The following HADHA variants were observed in gnomAD, a reference collection of about 807,000 sequenced individuals.
The protein encoded by HADHA is hydroxyacyl-CoA dehydrogenase trifunctional multienzyme complex subunit alpha, also known as trifunctional enzyme subunit alpha, mitochondrial.
HADHA carries 59 observed loss-of-function variants against 91.3 expected under a neutral mutation model. The ratio of observed to expected loss-of-function variants is 0.65; its 90% CI spans 0.52 to 0.80. The LOEUF (loss-of-function observed/expected upper bound fraction) is 0.80, where lower values mean the gene tolerates loss of function less well. Ranked by LOEUF, HADHA falls within the 30% of genes least tolerant of loss-of-function variation. HADHA has a pLI of 0.00. For synonymous variants in HADHA, 320 were observed against 338.9 expected (o/e 0.94, Z 0.61); for missense variants, 800 against 927.6 (o/e 0.86, Z 1.79).
chr2:26,216,060 T>C (rs1670211803), intron 7 of HADHA, among the ~76,000 whole-genome samples: 1 of 152,200 alleles, frequency 6.6e-6, no homozygotes, highest in South Asian at 2.1e-4. Flanking sequence ...CACAGGAGGA[T>C]TGCTCAAGAC....
intron 7 of HADHA, among the ~76,000 whole-genome samples, chr2:26,218,868 G>A (rs1340652018): frequency 6.6e-6 from 1 of 151,612 alleles, no homozygotes; most frequent in East Asian, 2.0e-4. Flanking sequence ...TTAGCTGGGT[G>A]TGGTGGTGTG....
At chr2:26,195,416 C>T (rs987080337) in intron 14 of HADHA, among the ~76,000 whole-genome samples, 184 bp from the exon 15 acceptor site, 1 of 152,036 alleles carries the variant, frequency 6.6e-6, no homozygotes, top group Non-Finnish European at 1.5e-5. Context: ...AGGGAGAGCA[C>T]ATTGGAATCC....
Position 26,204,178 on chromosome 2 carries a change from A to G in HADHA, c.1104T>C (p.Gly368=). ...CGATGCCTGCTCCCATCAGCCCTGC[A>G]CCAAGAATAGCCAGATGCCTGCAAG... ...QKDVKHLAIL[G]AGLMGAGIAQ... The change falls in exon 12 of 20, where the codon GGT becomes GGC. Residue 368 remains glycine, a synonymous_variant. Transcript: ENST00000380649. 6.2e-7 allele frequency: 1 copy of G among 1,614,070 alleles called. No homozygotes were observed. Among genetic ancestry groups the G allele is most frequent in the Non-Finnish European group, 8.5e-7 (1 of 1,179,864 alleles).
chr2:26,235,385 T>G (rs1447815585), intron 4 of HADHA: 1 of 152,240 alleles, frequency 6.6e-6, no homozygotes, highest in African/African-American at 2.4e-5. Context: ...GTTTGTTTCA[T>G]TTGCTATTTT....
chr2:26,244,439 C>T, intron 1 of HADHA, 91 bp downstream of exon 1: 2 of 1,294,014 alleles, frequency 1.5e-6, no homozygotes, highest in Non-Finnish European at 2.2e-6. Flanking sequence ...CTGGGGCAGG[C>T]GGCAGCGAAA....
intron 16 of HADHA, 105 bp from the exon 17 acceptor site, chr2:26,193,877 T>C: frequency 2.3e-6 from 2 of 876,192 alleles, no homozygotes; most frequent in Non-Finnish European, 3.8e-6. Flanking sequence ...AACCCACTTC[T>C]GAGTGTCACC....
chr2:26,193,214 T>C (rs1333741800), intron 17 of HADHA, among the ~76,000 whole-genome samples: 2 of 151,972 alleles, frequency 1.3e-5, no homozygotes, highest in East Asian at 1.9e-4. Context: ...GACCAGGTGA[T>C]GCTAGAGCCC....
rs1437844260 is a variant in HADHA, at chr2:26,244,579, C to T, written c.18G>A (p.Ala6=). The change falls in exon 1 of 20, where the codon GCG becomes GCA. Residue 6 remains alanine (A), a synonymous_variant. Coordinates refer to ENST00000380649, the MANE Select transcript of HADHA (RefSeq NM_000182.5). ...CAGAAAAGCGGCTGAGGATGCCAAT[C>T]GCCCGGCAGGCCACCATCTTGAGCT... The part of the protein sequence containing the change: MVACR[A]IGILSRFSAF... 1 of 1,586,332 alleles carries T rather than the reference C, an allele frequency of 6.3e-7. No individual in the cohort carries two copies. The highest frequency in any genetic ancestry group is 1.8e-5 in the Admixed American group (1 of 56,178).
rs775345097 is a variant in HADHA, at chr2:26,232,143, G to A, written c.573+17C>T. 3.1e-6 allele frequency: 5 copies of A among 1,597,066 alleles called. No homozygotes were observed. In the South Asian group the frequency reaches 5.5e-5, roughly 18 times the overall value. On this transcript the variant is annotated intron_variant, in intron 6 of 19. Transcript: ENST00000380649. ...TAAAGAGGGCATATAGCTTCACAAA[G>A]GGGATGTTAGACTCACCATTTTGGG... is the stretch of plus-strand genomic sequence containing the variant.
intron 1 of HADHA, among the ~76,000 whole-genome samples, chr2:26,244,240 G>A (rs544770220): frequency 1.8e-4 from 28 of 152,244 alleles, no homozygotes; most frequent in Non-Finnish European, 3.7e-4. Context: ...AGGGGCGTGA[G>A]CCCAGAAGTG....
At position 26,210,916 on chromosome 2, in the gene HADHA, A is replaced by C. The variant is rs185264805; in HGVS notation, c.976-1027T>G. 6.6e-6 allele frequency: 1 copy of C among 152,344 alleles called. No homozygotes were observed. The highest frequency in any genetic ancestry group is 6.5e-5 in the Admixed American group (1 of 15,296). The allele number at this position is 152,344 out of a possible 1,614,324, so 9.4% of individuals were successfully genotyped here. The stretch of plus-strand genomic sequence containing the variant: ...AGGGTCTCAAGGTTAGCTATTATTA[A>C]TATCACTAGGATATAATGGTAAGAT... On this transcript the variant is annotated intron_variant, in intron 10 of 19. Coordinates refer to ENST00000380649, the MANE Select transcript of HADHA (RefSeq NM_000182.5). This position sits in a 1 kb window ranked among gnomAD's most constrained non-coding sequence, Gnocchi z 4.0.
chr2:26,231,255 G>A (rs1284313732), intron 6 of HADHA, among the ~76,000 whole-genome samples: 1 of 152,084 alleles, frequency 6.6e-6, no homozygotes, highest in East Asian at 1.9e-4. Flanking sequence ...GTTTTCTTTT[G>A]TGCTCAATTG....
chr2:26,231,616 G>A (rs1285197058), intron 6 of HADHA, among the ~76,000 whole-genome samples: 2 of 152,176 alleles, frequency 1.3e-5, no homozygotes, highest in Non-Finnish European at 2.9e-5. Context: ...TGCAAGACAT[G>A]CATCTTAGTT....
At chr2:26,242,809 T>C (rs1670931595) in intron 1 of HADHA, among the ~76,000 whole-genome samples, 1 of 152,252 alleles carries the variant, frequency 6.6e-6, no homozygotes, top group Non-Finnish European at 1.5e-5. Context: ...TGGAGTGCTG[T>C]GGCGCGATCT....
At chr2:26,194,523 C>G (rs201094545) in intron 16 of HADHA, 47 bp downstream of exon 16, 1 of 1,099,348 alleles carries the variant, frequency 9.1e-7, no homozygotes, top group Non-Finnish European at 1.4e-6. Context: ...TTTAGAGTGA[C>G]TGAAGGAGTG....
At chr2:26,207,172 G>A (rs768252043) in intron 11 of HADHA, among the ~76,000 whole-genome samples, 27 of 152,060 alleles carry the variant, frequency 1.8e-4, no homozygotes, top group East Asian at 3.9e-4. Flanking sequence ...CACTCCAGCC[G>A]GGGTGACAGA....
At chr2:26,198,033 G>C (rs1204683213) in intron 13 of HADHA, among the ~76,000 whole-genome samples, 1 of 152,154 alleles carries the variant, frequency 6.6e-6, no homozygotes, top group East Asian at 1.9e-4. Flanking sequence ...TCCTGACCTG[G>C]AGACTACATC....
Position 26,195,115 on chromosome 2 carries a change from C to T in HADHA, c.1597G>A (p.Gly533Arg). ...ACCTTAACCACAATGATGACCTTCC[C>T]CTGCTTGAGACCAACTGCTACAGCT... ...ASAVAVGLKQ[G>R]KVIIVVKDGP... Residue 533 changes from glycine (G) to arginine (R), a missense_variant, in exon 15 of 20, where the codon GGG becomes AGG. Transcript: ENST00000380649. The T allele has an allele frequency of 6.2e-7, 1 of 1,613,618 alleles. No individual in the cohort carries two copies. The highest frequency in any genetic ancestry group is 1.1e-5 in the South Asian group (1 of 91,062).
intron 1 of HADHA, chr2:26,243,308 T>G (rs1010973529): frequency 6.6e-6 from 1 of 152,018 alleles, no homozygotes; most frequent in African/African-American, 2.4e-5. Context: ...AAAAGTGTTG[T>G]GAAAATAGGG....
Sources: allele counts gnomAD v4.1 joint callset (sites outside exome capture counted in the v4.1 genomes callset), GRCh38; gene constraint gnomAD v4.1.1; non-coding constraint Gnocchi (gnomAD v3.1); transcripts MANE v1.5; gene names NCBI Gene and HGNC (gene_info 2026-07-23, HGNC 2026-07-21).